Variants in ZFHX3 observed in about 807,000 individuals in gnomAD.
ZFHX3 encodes the protein zinc finger homeobox 3.
A neutral mutation model predicts 279.1 loss-of-function variants in ZFHX3; 42 were observed. The observed-to-expected ratio is 0.15, with a 90% confidence interval of 0.12 to 0.19. The LOEUF (loss-of-function observed/expected upper bound fraction) is 0.19. ZFHX3 is among the 10% of genes least tolerant of loss of function. The pLI is 1.00. For missense variants in ZFHX3, 4,981 were observed against 4,754.0 expected (o/e 1.05, Z -1.40); for synonymous variants, 2,293 against 1,957.8 (o/e 1.17, Z -4.52).
At position 73,173,005 on chromosome 16, in the gene ZFHX3, TTTG is replaced by T. The variant is rs1410914776; in HGVS notation, c.-1103-29177_-1103-29175del. ...ATGGGACTGTTTTTTTGTTTTTTTT[TTTG>T]TTTTTTTTTTTTTTTTTTGGGAGGG... On this transcript the variant is annotated intron_variant, in intron 5 of 17. Transcript: ENST00000641206. 4.5e-3 allele frequency among the ~76,000 whole-genome samples: 253 copies of T among 56,286 alleles called. 20 individuals are homozygous for T. Among genetic ancestry groups the T allele is most frequent in the Non-Finnish European group, 6.2e-3 (185 of 29,978 alleles). The allele number at this position is 56,286 out of a possible 152,430, so 36.9% of individuals were successfully genotyped here. A position where few individuals can be genotyped will look rare whatever the true frequency, so the allele number is the denominator to read the frequency against.
At chr16:72,861,910 G>C (rs974256505) in intron 4 of ZFHX3, among the ~76,000 whole-genome samples, 8 of 152,136 alleles carry the variant, frequency 5.3e-5, no homozygotes, top group Admixed American at 3.9e-4. Flanking sequence ...AACTACTAGG[G>C]AGGCTGAGGC....
intron 2 of ZFHX3, among the ~76,000 whole-genome samples, chr16:73,473,364 A>AAAC (rs2018707916): frequency 8.2e-5 from 5 of 60,934 alleles, no homozygotes; most frequent in Middle Eastern, 6.7e-3. Context: ...AAAACAAAAA[A>AAAC]AAAAAAAACA....
chr16:73,667,790 C>T (rs143928276), intron 2 of ZFHX3, among the ~76,000 whole-genome samples: 4,273 of 152,268 alleles, frequency 0.028, 99 homozygotes, highest in Non-Finnish European at 0.035. Context: ...AGCCACAAAA[C>T]CTACTGCACT....
At chr16:72,976,528 C>T (rs549959633) in intron 1 of ZFHX3, among the ~76,000 whole-genome samples, 2 of 152,304 alleles carry the variant, frequency 1.3e-5, no homozygotes, top group East Asian at 3.9e-4. Flanking sequence ...TCCCTCCTGT[C>T]GATACAGACT....
At chr16:73,626,174 G>A (rs1179732759) in intron 2 of ZFHX3, among the ~76,000 whole-genome samples, 1 of 152,100 alleles carries the variant, frequency 6.6e-6, no homozygotes, top group Non-Finnish European at 1.5e-5. Flanking sequence ...ATTCTTAAAG[G>A]ATATTAACAT....
chr16:73,010,001 A>G (rs545496756), intron 1 of ZFHX3, among the ~76,000 whole-genome samples: 1 of 149,760 alleles, frequency 6.7e-6, no homozygotes, highest in Admixed American at 6.7e-5. Flanking sequence ...AGCCTGGGTT[A>G]CAGAGCGAGA....
intron 2 of ZFHX3, among the ~76,000 whole-genome samples, chr16:73,615,384 G>C (rs11866057): frequency 0.02 from 3,102 of 152,174 alleles, 111 homozygotes; most frequent in African/African-American, 0.071. Flanking sequence ...GCAGAATCCT[G>C]TCAAAAAAGA....
intron 3 of ZFHX3, among the ~76,000 whole-genome samples, chr16:72,922,802 G>A (rs2039615602): frequency 6.6e-6 from 1 of 152,130 alleles, no homozygotes. Flanking sequence ...TAAAAACTCT[G>A]GGAGGCAAAC....
intron 2 of ZFHX3, among the ~76,000 whole-genome samples, chr16:73,586,644 G>A (rs2051930063): frequency 6.6e-6 from 1 of 152,002 alleles, no homozygotes; most frequent in African/African-American, 2.4e-5. Context: ...AAATTGATAG[G>A]ATTACCAGGA....
chr16:72,887,276 T>C (rs999885473), intron 4 of ZFHX3, among the ~76,000 whole-genome samples: 2 of 152,142 alleles, frequency 1.3e-5, no homozygotes, highest in African/African-American at 4.8e-5. Context: ...AGCAGAGCGT[T>C]CAGAGATTAG....
chr16:72,971,147 T>C (rs547617384), intron 1 of ZFHX3, among the ~76,000 whole-genome samples: 2 of 152,340 alleles, frequency 1.3e-5, no homozygotes, highest in South Asian at 4.1e-4. Context: ...ATTTTTCCTA[T>C]GCCATTCAAT....
At chr16:72,969,988 G>A (rs960646177) in intron 1 of ZFHX3, among the ~76,000 whole-genome samples, 6 of 152,196 alleles carry the variant, frequency 3.9e-5, no homozygotes, top group African/African-American at 1.4e-4. Context: ...CGCCCAGGCC[G>A]TGGGCCTCCA....
At chr16:72,903,385 A>G (rs1010704750) in intron 3 of ZFHX3, among the ~76,000 whole-genome samples, 3 of 152,144 alleles carry the variant, frequency 2.0e-5, no homozygotes, top group Non-Finnish European at 2.9e-5. Context: ...GCTTTTAACA[A>G]GCCCTCTAGG....
In ZFHX3 at chr16:72,794,304, T is replaced by C; in HGVS notation, c.8378A>G (p.Glu2793Gly). The C allele has an allele frequency of 6.2e-7, 1 of 1,610,278 alleles. No individual in the cohort carries two copies. The highest frequency in any genetic ancestry group is 8.5e-7 in the Non-Finnish European group (1 of 1,177,800). Residue 2793 changes from glutamate (E) to glycine (G), a missense_variant, in exon 9 of 10, where the codon GAA becomes GGA. Glu to Gly is a moderately conservative substitution (Grantham distance 98). This residue lies in a region of ZFHX3 where 744 missense variants were observed against 701.3 expected (regional missense o/e 1.06). Coordinates refer to ENST00000268489, the MANE Select transcript of ZFHX3 (RefSeq NM_006885.4). The surrounding 1 kb of genome is among the most constrained non-coding windows in gnomAD (Gnocchi z 4.2). ...VPLSPVSKTM[E>G]LSPRTLLSPS... is the part of the protein sequence containing the mutation. ...GCTTAGAAGAGTTCTGGGTGACAAT[T>C]CCATGGTTTTACTCACAGGTGAGAG...
intron 4 of ZFHX3, among the ~76,000 whole-genome samples, chr16:72,882,977 GGTGT>G (rs56328056): frequency 0.052 from 3,379 of 64,808 alleles, 65 homozygotes; most frequent in Middle Eastern, 0.067. Context: ...ACCACTCTGG[GGTGT>G]GTGTGTGTGT....
At chr16:73,772,189 T>C (rs1055116225) in intron 1 of ZFHX3, among the ~76,000 whole-genome samples, 1 of 152,288 alleles carries the variant, frequency 6.6e-6, no homozygotes, top group African/African-American at 2.4e-5. Context: ...TGTGTACTAG[T>C]CTGTTTTCAC....
chr16:73,311,467 G>A (rs962613897), intron 4 of ZFHX3, among the ~76,000 whole-genome samples: 20 of 147,006 alleles, frequency 1.4e-4, no homozygotes, highest in Non-Finnish European at 2.4e-4. Context: ...GCAGACGCTT[G>A]TAATCCCAGC....
At chr16:73,684,371 T>A (rs1174248794) in intron 1 of ZFHX3, among the ~76,000 whole-genome samples, 1 of 151,972 alleles carries the variant, frequency 6.6e-6, no homozygotes, top group Admixed American at 6.6e-5. Flanking sequence ...TGTAATGACA[T>A]GAACTTTAGG....
chr16:72,968,574 C>T (rs1331462725), intron 1 of ZFHX3, among the ~76,000 whole-genome samples: 1 of 151,738 alleles, frequency 6.6e-6, no homozygotes, highest in Non-Finnish European at 1.5e-5. Flanking sequence ...AATTCTTCTG[C>T]CTCAGCCTCC....
Sources: allele counts gnomAD v4.1 joint callset (sites outside exome capture counted in the v4.1 genomes callset), GRCh38; gene constraint gnomAD v4.1.1; regional missense constraint gnomAD v4.1.1; non-coding constraint Gnocchi (gnomAD v3.1); transcripts MANE v1.5; gene names NCBI Gene and HGNC (gene_info 2026-07-23, HGNC 2026-07-21).